Variants in RTN4 observed in about 807,000 individuals in gnomAD.
RTN4 encodes reticulon 4, also known as reticulon-4.
A neutral mutation model predicts 90.4 loss-of-function variants in RTN4; 32 were observed. The ratio of observed to expected loss-of-function variants is 0.35; its 90% CI spans 0.27 to 0.48. RTN4 has a LOEUF of 0.48. RTN4 is among the 20% of genes least tolerant of loss of function. The pLI is 0.99. For synonymous variants in RTN4, 629 were observed against 552.5 expected (o/e 1.14, Z -1.94); for missense variants, 1,706 against 1,430.2 (o/e 1.19, Z -3.11).
At chr2:54,973,267 A>G (rs989465758) in intron 8 of RTN4, 69 bp from the exon 9 acceptor site, 52 of 1,293,906 alleles carry the variant, frequency 4.0e-5, no homozygotes, top group Middle Eastern at 1.8e-4. Context: ...TCTTCCAAGA[A>G]CTACTTGTAT....
At chr2:54,986,245 T>C (rs1032984645) in intron 4 of RTN4, among the ~76,000 whole-genome samples, 1 of 152,192 alleles carries the variant, frequency 6.6e-6, no homozygotes, top group African/African-American at 2.4e-5. Flanking sequence ...GAAAAATTAA[T>C]CGGACATCAT....
intron 1 of RTN4, among the ~76,000 whole-genome samples, chr2:55,102,529 G>C (rs1029226490): frequency 2.0e-4 from 31 of 151,922 alleles, no homozygotes; most frequent in African/African-American, 7.5e-4. Flanking sequence ...TTTTTCTTTT[G>C]ATTTTTTTTT....
chr2:54,972,361 A>AGATTCAGTCCATAGATTCT lies in RTN4; in HGVS notation c.*776_*794dup, dbSNP rs1677109936. 1 of 152,700 alleles carries AGATTCAGTCCATAGATTCT rather than the reference A, an allele frequency of 6.5e-6. No homozygotes were observed. The allele number at this position is 152,700 out of a possible 1,614,324, so 9.5% of individuals were successfully genotyped here. On this transcript the variant is annotated 3_prime_UTR_variant, in exon 9 of 9. Transcript: ENST00000337526. ...AACAAACAACATTTTTGGAAGCATT[A>AGATTCAGTCCATAGATTCT]GATTCAGTCCATAGATTCTGTGACA...
chr2:55,073,172 A>T (rs538050663), intron 2 of RTN4, among the ~76,000 whole-genome samples: 35 of 152,376 alleles, frequency 2.3e-4, no homozygotes, highest in African/African-American at 8.4e-4. Context: ...CATGTGTCTC[A>T]CAGAAACCAC....
intron 1 of RTN4, among the ~76,000 whole-genome samples, chr2:55,100,400 T>C (rs1481566349): frequency 1.3e-5 from 2 of 152,158 alleles, no homozygotes; most frequent in African/African-American, 2.4e-5. Flanking sequence ...CACATAAATC[T>C]TAATGCTGGT....
chr2:54,987,805 A>C (rs966818176), intron 3 of RTN4, 107 bp from the exon 4 acceptor site: 1 of 892,244 alleles, frequency 1.1e-6, no homozygotes, highest in Non-Finnish European at 1.7e-6. Context: ...ATCAAACCTA[A>C]AAATTTAAAG....
intron 2 of RTN4, among the ~76,000 whole-genome samples, chr2:55,068,167 A>G (rs891402178): frequency 4.6e-5 from 7 of 152,212 alleles, no homozygotes; most frequent in Non-Finnish European, 1.0e-4. Context: ...TTGGTACCAT[A>G]TCAAAACTCA....
intron 1 of RTN4, among the ~76,000 whole-genome samples, chr2:55,095,388 C>T (rs1444903990): frequency 2.0e-5 from 3 of 151,856 alleles, no homozygotes; most frequent in African/African-American, 4.8e-5. Context: ...CATCATCTAC[C>T]TTCAATTAAT....
At chr2:55,060,709 C>T (rs968312065) in intron 2 of RTN4, 12 of 152,236 alleles carry the variant, frequency 7.9e-5, no homozygotes, top group African/African-American at 2.9e-4. Flanking sequence ...TCGCTTGATT[C>T]CAGGATTTTG....
At position 55,004,231 on chromosome 2, in the gene RTN4, T is replaced by C. The variant is rs1348998855; in HGVS notation, c.3014-16533A>G. Reference sequence around the variant, plus strand: ...CAGTGAGGACAATACGAAAGAAGTATACGACATTCAATAACATGCCACAAG... The same window carrying C: ...CAGTGAGGACAATACGAAAGAAGTACACGACATTCAATAACATGCCACAAG... On this transcript the variant is annotated intron_variant, in intron 3 of 8. Transcript: ENST00000337526. 2.6e-5 allele frequency among the ~76,000 whole-genome samples: 4 copies of C among 152,184 alleles called. No homozygotes were observed. The South Asian group carries it at 6.2e-4, about 24-fold the overall frequency.
chr2:54,980,232 T>C (rs1341650071), intron 5 of RTN4, among the ~76,000 whole-genome samples: 1 of 152,204 alleles, frequency 6.6e-6, no homozygotes, highest in African/African-American at 2.4e-5. Flanking sequence ...CTCAAAACTT[T>C]TTTTAAAAAG....
chr2:55,010,314 A>T, intron 3 of RTN4: 1 of 1,398,830 alleles, frequency 7.1e-7, no homozygotes, highest in Middle Eastern at 1.9e-4. Flanking sequence ...AGTCTGACGC[A>T]GTGCAATCTG....
intron 1 of RTN4, among the ~76,000 whole-genome samples, chr2:55,087,901 T>G (rs1048472186): frequency 2.0e-5 from 3 of 152,216 alleles, no homozygotes; most frequent in Non-Finnish European, 2.9e-5. Context: ...CCTAATAACT[T>G]TCTTAAATAA....
At chr2:55,066,351 TA>T (rs1668393683) in intron 2 of RTN4, among the ~76,000 whole-genome samples, 2 of 152,148 alleles carry the variant, frequency 1.3e-5, no homozygotes, top group African/African-American at 4.8e-5. Context: ...GGTTTGTACA[TA>T]AACTCTTATT....
At position 54,972,870 on chromosome 2, in the gene RTN4, AAAT is replaced by A; in HGVS notation, c.*283_*285del. ...CGGCAAGACTATCTGCAACAAAGTA[AAAT>A]ATACAGGTTTTTTATTCCACCAGTG... On this transcript the variant is annotated 3_prime_UTR_variant, in exon 9 of 9. Coordinates refer to ENST00000337526, the MANE Select transcript of RTN4 (RefSeq NM_020532.5). The A allele has an allele frequency of 3.2e-6, 1 of 314,004 alleles. No homozygotes were observed. The highest frequency in any genetic ancestry group is 8.3e-4 in the Middle Eastern group (1 of 1,206). The allele number at this position is 314,004 out of a possible 1,614,324, so 19.5% of individuals were successfully genotyped here.
chr2:54,975,358 C>T (rs1444653289), intron 5 of RTN4, among the ~76,000 whole-genome samples: 1 of 152,202 alleles, frequency 6.6e-6, no homozygotes, highest in Non-Finnish European at 1.5e-5. Context: ...ATGTGTATGT[C>T]TGGCAATCAC....
At chr2:55,136,361 A>G in the RTN4 span, among the ~76,000 whole-genome samples, 2 of 152,192 alleles carry the variant, frequency 1.3e-5, no homozygotes, top group African/African-American at 4.8e-5. Flanking sequence ...ACCCCAAGGG[A>G]AGAATCAGGG....
intron 3 of RTN4, among the ~76,000 whole-genome samples, chr2:54,990,811 A>T (rs1678942719): frequency 6.6e-6 from 1 of 151,900 alleles, no homozygotes; most frequent in African/African-American, 2.4e-5. Context: ...TTTGAGACAG[A>T]GTCTCGCACT....
chr2:55,049,609 G>T lies in RTN4; in HGVS notation c.556+136C>A, dbSNP rs758038428. On this transcript the variant is annotated intron_variant, in intron 1 of 8. Coordinates refer to ENST00000337526, the MANE Select transcript of RTN4 (RefSeq NM_020532.5). ...TCTCCCCGCGCTTCCAACCAGACGG[G>T]GCGCCATCGCCCCGAAGTCCGCAGA... is the stretch of plus-strand genomic sequence containing the variant. 5 of 1,416,836 alleles carry T rather than the reference G, an allele frequency of 3.5e-6. No individual in the cohort carries two copies. The East Asian group carries it at 1.3e-4, about 36-fold the overall frequency. 87.8% of individuals were successfully genotyped at this position (1,416,836 alleles called of 1,614,324 possible). A position where few individuals can be genotyped will look rare whatever the true frequency, so the allele number is the denominator to read the frequency against.
Sources: allele counts gnomAD v4.1 joint callset (sites outside exome capture counted in the v4.1 genomes callset), GRCh38; gene constraint gnomAD v4.1.1; transcripts MANE v1.5; gene names NCBI Gene and HGNC (gene_info 2026-07-23, HGNC 2026-07-21).